Variants in UBE2Q2 observed in about 807,000 individuals in gnomAD.
UBE2Q2 encodes the protein ubiquitin conjugating enzyme E2 Q2.
UBE2Q2 carries 54 observed loss-of-function variants against 59.9 expected under a neutral mutation model. The ratio of observed to expected loss-of-function variants is 0.90; its 90% CI spans 0.72 to 1.13. UBE2Q2 has a LOEUF of 1.13. Ranked by LOEUF, UBE2Q2 falls within the 50% of genes most tolerant of loss-of-function variation. The pLI, the probability that UBE2Q2 is intolerant of heterozygous loss-of-function variation, is 0.00. For missense variants in UBE2Q2, 433 were observed against 441.9 expected (o/e 0.98, Z 0.18); for synonymous variants, 165 against 155.2 (o/e 1.06, Z -0.47).
rs1899695672 is a variant in UBE2Q2, at chr15:75,900,485, T to G, written c.*1027T>G. 1 of 152,678 alleles carries G rather than the reference T, an allele frequency of 6.5e-6. No homozygotes were observed. The highest frequency in any genetic ancestry group is 6.5e-5 in the Admixed American group (1 of 15,284). The allele number at this position is 152,678 out of a possible 1,614,324, so 9.5% of individuals were successfully genotyped here. ...GTACTCTCCATTTTATTGCCTTACC[T>G]GAATCAGTCCTTTTTGGTTGGTAAT... On this transcript the variant is annotated 3_prime_UTR_variant, in exon 13 of 13. Transcript: ENST00000267938.
intron 4 of UBE2Q2, among the ~76,000 whole-genome samples, chr15:75,870,564 CATAAG>C (rs879735706): frequency 2.7e-4 from 41 of 152,094 alleles, no homozygotes; most frequent in Non-Finnish European, 5.3e-4. Context: ...TTTTTCCCCT[CATAAG>C]ATAATAAACA....
chr15:75,863,980 T>G (rs1164181734), intron 3 of UBE2Q2, among the ~76,000 whole-genome samples: 1 of 152,082 alleles, frequency 6.6e-6, no homozygotes, highest in Non-Finnish European at 1.5e-5. Flanking sequence ...GCTTGTGTTT[T>G]TCACTGAATA....
chr15:75,898,207 T>C (rs960792120), intron 12 of UBE2Q2, among the ~76,000 whole-genome samples: 4 of 152,170 alleles, frequency 2.6e-5, no homozygotes, highest in African/African-American at 4.8e-5. Context: ...TTTCTTCTTA[T>C]CTTTGTTTTT....
intron 1 of UBE2Q2, among the ~76,000 whole-genome samples, chr15:75,851,829 A>G (rs972060353): frequency 6.6e-6 from 1 of 152,186 alleles, no homozygotes; most frequent in Non-Finnish European, 1.5e-5. Flanking sequence ...AAAAAGACAT[A>G]TTCAAGGATT....
At chr15:75,891,120 C>T (rs1401918301) in intron 11 of UBE2Q2, 106 bp downstream of exon 11, 5 of 867,372 alleles carry the variant, frequency 5.8e-6, no homozygotes, top group Non-Finnish European at 8.7e-6. Context: ...GTTTCATTTT[C>T]ATTTGGTTTG....
intron 1 of UBE2Q2, among the ~76,000 whole-genome samples, chr15:75,851,778 G>A (rs992014713): frequency 6.6e-6 from 1 of 152,152 alleles, no homozygotes; most frequent in African/African-American, 2.4e-5. Context: ...CAGTCTGTAG[G>A]AATGCTCATG....
intron 8 of UBE2Q2, 125 bp from the exon 9 acceptor site, chr15:75,883,241 A>G: frequency 2.3e-6 from 2 of 881,694 alleles, no homozygotes; most frequent in South Asian, 4.0e-5. Flanking sequence ...TACTAATTTT[A>G]TGACTCTTAC....
chr15:75,854,472 T>C lies in UBE2Q2; in HGVS notation c.267T>C (p.Thr89=). ...CAGTTCTGGAACGTCTAGAAGATAC[T>C]AAGAACAACAATTTGGTAAGAAAAT... ...LTSVLERLED[T]KNNNLLRQQL... is the part of the protein sequence containing the mutation. Residue 89 remains threonine (T), a synonymous_variant, in exon 2 of 13, where the codon ACT becomes ACC. Transcript: ENST00000267938. The C allele has an allele frequency of 6.2e-7, 1 of 1,609,360 alleles. No individual in the cohort carries two copies. Among genetic ancestry groups the C allele is most frequent in the Non-Finnish European group, 8.5e-7 (1 of 1,177,380 alleles).
rs1256142539 is a variant in UBE2Q2 at position 75,856,269 on chromosome 15, G to GTGTATATA, written c.282+1783_282+1784insGTATATAT. Among the ~76,000 whole-genome samples, 268 of 139,276 alleles carry GTGTATATA rather than the reference G, an allele frequency of 1.9e-3. 1 individual carries two copies. Among genetic ancestry groups the GTGTATATA allele is most frequent in the Middle Eastern group, 0.011 (3 of 270 alleles). The allele number at this position is 139,276 out of a possible 152,430, so 91.4% of individuals were successfully genotyped here. On this transcript the variant is annotated intron_variant, in intron 2 of 12. Transcript: ENST00000267938. ...TACGTGTGTGTGTGTGTGTGTGTGT[G>GTGTATATA]TATATATATATATATATATATATAA...
rs140154456 is a variant in UBE2Q2 at position 75,887,086 on chromosome 15, CATT to C, written c.885-3345_885-3343del. Among the ~76,000 whole-genome samples, 1,424 of 152,134 alleles carry C rather than the reference CATT, an allele frequency of 9.4e-3. 11 individuals are homozygous for C. The highest frequency in any genetic ancestry group is 0.02 in the South Asian group (95 of 4,806). On this transcript the variant is annotated intron_variant, in intron 9 of 12. Coordinates refer to ENST00000267938, the MANE Select transcript of UBE2Q2 (RefSeq NM_173469.4). ...TTTTTTGCCACAGTGTTATTGTTCTCATTATTCAAATGAGTAATTTGAATAAGT... is the reference window on the plus strand; with the variant it reads ...TTTTTTGCCACAGTGTTATTGTTCTCATTCAAATGAGTAATTTGAATAAGT...
intron 3 of UBE2Q2, among the ~76,000 whole-genome samples, chr15:75,861,853 T>G (rs1251326254): frequency 6.6e-6 from 1 of 152,188 alleles, no homozygotes; most frequent in African/African-American, 2.4e-5. Context: ...ATTTGGCAGC[T>G]CTCACTATGT....
intron 2 of UBE2Q2, among the ~76,000 whole-genome samples, chr15:75,859,541 T>G (rs991383960): frequency 5.9e-5 from 9 of 152,310 alleles, no homozygotes; most frequent in African/African-American, 1.4e-4. Flanking sequence ...GTAGCCTCAT[T>G]AATGCATTAA....
At chr15:75,843,924 G>A (rs1456657530) in intron 1 of UBE2Q2, 78 bp downstream of exon 1, 3 of 1,446,092 alleles carry the variant, frequency 2.1e-6, no homozygotes, top group Admixed American at 2.5e-5. Context: ...ACAAAGGGGA[G>A]CCTGCCCCGG....
chr15:75,863,017 G>A (rs964620540), intron 3 of UBE2Q2, among the ~76,000 whole-genome samples: 12 of 152,100 alleles, frequency 7.9e-5, no homozygotes, highest in African/African-American at 2.7e-4. Context: ...TTTTGCCTGA[G>A]GTAGATGTAT....
intron 11 of UBE2Q2, among the ~76,000 whole-genome samples, chr15:75,893,985 C>G (rs564269123): frequency 6.6e-6 from 1 of 152,214 alleles, no homozygotes; most frequent in South Asian, 2.1e-4. Flanking sequence ...TACTGAAAAA[C>G]AGAAAAGGAC....
chr15:75,865,094 A>G (rs1384459756), intron 3 of UBE2Q2, among the ~76,000 whole-genome samples: 1 of 152,244 alleles, frequency 6.6e-6, no homozygotes, highest in Admixed American at 6.5e-5. Context: ...CTTGGGAGCC[A>G]ACACCTAGCC....
intron 5 of UBE2Q2, 105 bp downstream of exon 5, chr15:75,873,673 A>G: frequency 2.3e-6 from 3 of 1,292,010 alleles, no homozygotes; most frequent in South Asian, 1.4e-5. Context: ...CTCTTCCTCC[A>G]TTTCTGCCTT....
chr15:75,844,319 T>G (rs762373302), intron 1 of UBE2Q2: 3 of 1,548,504 alleles, frequency 1.9e-6, no homozygotes, highest in Non-Finnish European at 2.6e-6. Flanking sequence ...GTTCAGCCAA[T>G]TGTTTTTAAG....
chr15:75,851,797 C>G (rs1896647500), intron 1 of UBE2Q2, among the ~76,000 whole-genome samples: 1 of 152,146 alleles, frequency 6.6e-6, no homozygotes, highest in Non-Finnish European at 1.5e-5. Context: ...TGTATACTTC[C>G]CGTTTCATCA....
Sources: allele counts gnomAD v4.1 joint callset (sites outside exome capture counted in the v4.1 genomes callset), GRCh38; gene constraint gnomAD v4.1.1; transcripts MANE v1.5; gene names NCBI Gene and HGNC (gene_info 2026-07-23, HGNC 2026-07-21).